Variants in TNIP3 observed in about 807,000 individuals in gnomAD.
The protein encoded by TNIP3 is TNFAIP3 interacting protein 3.
Under a neutral mutation model 54.1 loss-of-function variants are expected in TNIP3, and 34 were observed. The observed-to-expected ratio is 0.63, with a 90% CI of 0.48 to 0.84. The LOEUF is 0.84. TNIP3 is among the 40% of genes least tolerant of loss of function. The pLI is 0.00. For synonymous variants in TNIP3, 134 were observed against 136.8 expected (o/e 0.98, Z 0.14); for missense variants, 366 against 387.6 (o/e 0.94, Z 0.47).
chr4:121,206,364 G>GAGCTGTTATTC (rs1479303776), intron 2 of TNIP3, among the ~76,000 whole-genome samples: 1 of 152,076 alleles, frequency 6.6e-6, no homozygotes, highest in Non-Finnish European at 1.5e-5. Flanking sequence ...AATTAGGAAG[G>GAGCTGTTATTC]AGCTGTTATT....
At chr4:121,173,517 T>A (rs1288922704) in intron 3 of TNIP3, among the ~76,000 whole-genome samples, 3 of 152,226 alleles carry the variant, frequency 2.0e-5, no homozygotes, top group African/African-American at 7.2e-5. Context: ...GAGTTTTTTT[T>A]TAAAAATTAT....
At chr4:121,216,486 C>T (rs1223988906) in exon 2 of TNIP3, 1 of 1,535,586 alleles carries the variant, frequency 6.5e-7, no homozygotes, top group Non-Finnish European at 8.7e-7. Flanking sequence ...TGTTCATGAG[C>T]CATCCACATG....
At chr4:121,210,001 G>T (rs558379052) in intron 2 of TNIP3, among the ~76,000 whole-genome samples, 1 of 152,262 alleles carries the variant, frequency 6.6e-6, no homozygotes, top group South Asian at 2.1e-4. Flanking sequence ...AGGTTTTAGA[G>T]TAAATGACTT....
At chr4:121,151,639 G>C (rs568102712) in intron 5 of TNIP3, among the ~76,000 whole-genome samples, 16 of 152,008 alleles carry the variant, frequency 1.1e-4, no homozygotes, top group Non-Finnish European at 2.4e-4. Flanking sequence ...AATCTAGGGT[G>C]GGGTGGGCCA....
At chr4:121,169,365 T>C (rs910641103) in intron 3 of TNIP3, among the ~76,000 whole-genome samples, 1 of 152,234 alleles carries the variant, frequency 6.6e-6, no homozygotes, top group African/African-American at 2.4e-5. Context: ...AAGTGACATC[T>C]GTTTATTGAG....
In TNIP3 at chr4:121,224,323, A is replaced by G. The variant is rs374857418; in HGVS notation, c.3+3062T>C. Among the ~76,000 whole-genome samples the G allele has an allele frequency of 5.3e-5, 8 of 152,018 alleles. No homozygotes were observed. In the East Asian group the frequency reaches 1.2e-3, roughly 22 times the overall value. ...GGTTGCAGTGAGCAGAGATTGTGCT[A>G]CTGCACTTTAGCCTGGGCAACAGAG... On this transcript the variant is annotated intron_variant, in intron 1 of 12. Transcript: ENST00000509841.
intron 2 of TNIP3, among the ~76,000 whole-genome samples, chr4:121,197,106 T>C (rs80131420): frequency 0.026 from 3,997 of 152,144 alleles, 84 homozygotes; most frequent in Admixed American, 0.036. Context: ...CAGTGGGCTA[T>C]TTATCAGTGC....
At chr4:121,222,887 G>C (rs1468589272) in intron 1 of TNIP3, among the ~76,000 whole-genome samples, 1 of 139,200 alleles carries the variant, frequency 7.2e-6, no homozygotes, top group African/African-American at 2.7e-5. Context: ...CTCACTGCAA[G>C]CTCCGCCTCC....
intron 2 of TNIP3, among the ~76,000 whole-genome samples, chr4:121,198,297 C>G (rs1260275258): frequency 1.3e-5 from 2 of 152,132 alleles, no homozygotes; most frequent in East Asian, 1.9e-4. Flanking sequence ...ACATGACCTT[C>G]ATTGTAAAGA....
upstream of TNIP3, among the ~76,000 whole-genome samples, chr4:121,217,492 G>A (rs554742387): frequency 4.0e-4 from 61 of 152,258 alleles, no homozygotes; most frequent in African/African-American, 1.4e-3. Context: ...TGTGACAGCT[G>A]TTTGAAAATC....
At chr4:121,195,731 T>C (rs1310822690) in intron 2 of TNIP3, among the ~76,000 whole-genome samples, 1 of 152,222 alleles carries the variant, frequency 6.6e-6, no homozygotes, top group Admixed American at 6.5e-5. Context: ...GAAGACAAAT[T>C]CCTAAAACTG....
chr4:121,195,948 T>C (rs1263256469), intron 2 of TNIP3, among the ~76,000 whole-genome samples: 1 of 152,224 alleles, frequency 6.6e-6, no homozygotes, highest in Admixed American at 6.5e-5. Context: ...TGCTGATGCT[T>C]GTAGAAATAC....
chr4:121,225,742 C>T (rs1410594543), intron 1 of TNIP3, among the ~76,000 whole-genome samples: 1 of 152,128 alleles, frequency 6.6e-6, no homozygotes, highest in Non-Finnish European at 1.5e-5. Flanking sequence ...TTAGTAAGCA[C>T]CTTTGCCTTC....
chr4:121,161,638 C>T (rs1240873585), intron 1 of TNIP3, among the ~76,000 whole-genome samples: 1 of 151,976 alleles, frequency 6.6e-6, no homozygotes, highest in Non-Finnish European at 1.5e-5. Context: ...TGCCCATGAA[C>T]ATGTATGTGA....
At chr4:121,199,715 A>C (rs1216348548) in intron 2 of TNIP3, among the ~76,000 whole-genome samples, 1 of 152,230 alleles carries the variant, frequency 6.6e-6, no homozygotes, top group Non-Finnish European at 1.5e-5. Context: ...GTAAACACAA[A>C]TTCACAATGC....
chr4:121,187,351 C>T (rs1018440565), intron 2 of TNIP3, among the ~76,000 whole-genome samples: 3 of 152,180 alleles, frequency 2.0e-5, no homozygotes, highest in Non-Finnish European at 4.4e-5. Context: ...ATGATCTCTG[C>T]TCTGGGCCCT....
At chr4:121,186,333 C>A (rs537379160) in intron 2 of TNIP3, among the ~76,000 whole-genome samples, 1 of 152,282 alleles carries the variant, frequency 6.6e-6, no homozygotes, top group South Asian at 2.1e-4. Flanking sequence ...TGAAAGCACA[C>A]AGGAGGGGTG....
intron 6 of TNIP3, among the ~76,000 whole-genome samples, chr4:121,149,233 G>A (rs772412013): frequency 2.6e-5 from 4 of 152,206 alleles, no homozygotes; most frequent in Non-Finnish European, 5.9e-5. Context: ...TGGCAATAGC[G>A]CGTGAGGTTA....
chr4:121,200,764 G>T (rs985512003), intron 2 of TNIP3, among the ~76,000 whole-genome samples: 1 of 152,038 alleles, frequency 6.6e-6, no homozygotes, highest in Non-Finnish European at 1.5e-5. Context: ...AATTTCCTCA[G>T]AGAGCTTTTT....
Sources: gnomAD v4.1 joint callset for allele counts (sites outside exome capture counted in the v4.1 genomes callset) on GRCh38, gnomAD v4.1.1 for gene constraint, MANE v1.5 for transcripts, NCBI Gene and HGNC (gene_info 2026-07-23, HGNC 2026-07-21) for gene names.